The following ELOVL6 variants were observed in gnomAD, a reference collection of about 807,000 sequenced individuals.
The protein encoded by ELOVL6 is very long chain fatty acid elongase 6.
Under a neutral mutation model 31.7 loss-of-function variants are expected in ELOVL6, and 8 were observed. The ratio of observed to expected loss-of-function variants is 0.25; its 90% CI spans 0.15 to 0.45. The LOEUF is 0.45. ELOVL6 is among the 20% of genes least tolerant of loss of function. The pLI is 1.00. For synonymous variants in ELOVL6, 101 were observed against 117.7 expected (o/e 0.86, Z 0.92); for missense variants, 126 against 326.4 (o/e 0.39, Z 4.73).
rs1054926838 is a variant in ELOVL6 at position 110,064,657 on chromosome 4, A to AT, written c.222-4904dup. ...ATTTTTAATCAAGCACATATTAGAAATTTTTTTTTTAATGAAAATGGGGTC... is the reference window on the plus strand; with the variant it reads ...ATTTTTAATCAAGCACATATTAGAAATTTTTTTTTTTAATGAAAATGGGGTC... On this transcript the variant is annotated intron_variant, in intron 2 of 3. Transcript: ENST00000302274. 3.5e-3 allele frequency among the ~76,000 whole-genome samples: 531 copies of AT among 149,662 alleles called. 2 individuals are homozygous for AT. The highest frequency in any genetic ancestry group is 9.6e-3 in the African/African-American group (394 of 40,862).
chr4:110,112,459 G>T (rs1476158637), intron 1 of ELOVL6, among the ~76,000 whole-genome samples: 1 of 152,210 alleles, frequency 6.6e-6, no homozygotes, highest in Non-Finnish European at 1.5e-5. Flanking sequence ...AGAGGTACAA[G>T]AATACTTTTT....
At chr4:110,114,759 A>G (rs1414598665) in intron 1 of ELOVL6, among the ~76,000 whole-genome samples, 2 of 152,226 alleles carry the variant, frequency 1.3e-5, no homozygotes, top group African/African-American at 2.4e-5. Context: ...CTAGAAGTGA[A>G]AAAACACTGT....
chr4:110,158,031 A>G (rs1480000768), intron 1 of ELOVL6, among the ~76,000 whole-genome samples: 2 of 152,348 alleles, frequency 1.3e-5, no homozygotes, highest in East Asian at 1.9e-4. Context: ...ACCAAAGTTC[A>G]TGGATATAGT....
chr4:110,119,604 C>G (rs1482768891), intron 1 of ELOVL6, among the ~76,000 whole-genome samples: 1 of 152,176 alleles, frequency 6.6e-6, no homozygotes, highest in African/African-American at 2.4e-5. Context: ...AGTCCTTTAT[C>G]TCTATATAGC....
intron 2 of ELOVL6, among the ~76,000 whole-genome samples, chr4:110,071,128 C>T (rs1441652545): frequency 6.6e-6 from 1 of 152,184 alleles, no homozygotes; most frequent in Non-Finnish European, 1.5e-5. Flanking sequence ...CAGCTCTAAA[C>T]TGTGAACTGC....
chr4:110,046,370 A>T lies in ELOVL6; in HGVS notation c.*4968T>A, dbSNP rs1186883031. On this transcript the variant is annotated 3_prime_UTR_variant, in exon 4 of 4. Transcript: ENST00000302274. ...TTGGTTTGGACGTCTAGTGAAATAT[A>T]TTTTACTGTGAGACTTCTGCCTGCC... 1 of 152,184 alleles carries T rather than the reference A, an allele frequency of 6.6e-6. No individual in the cohort carries two copies. The highest frequency in any genetic ancestry group is 1.5e-5 in the Non-Finnish European group (1 of 68,064). The allele number at this position is 152,184 out of a possible 1,614,324, so 9.4% of individuals were successfully genotyped here. A position where few individuals can be genotyped will look rare whatever the true frequency, so the allele number is the denominator to read the frequency against.
intron 1 of ELOVL6, among the ~76,000 whole-genome samples, chr4:110,130,160 T>G (rs1393670228): frequency 6.6e-6 from 1 of 151,994 alleles, no homozygotes; most frequent in Non-Finnish European, 1.5e-5. Flanking sequence ...CCTCCCAAAG[T>G]GCTGAGATTA....
At chr4:110,184,936 C>G (rs1489938219) in intron 1 of ELOVL6, among the ~76,000 whole-genome samples, 1 of 152,200 alleles carries the variant, frequency 6.6e-6, no homozygotes, top group Admixed American at 6.5e-5. Flanking sequence ...CACAGTAACA[C>G]TTGTCTGGAC....
chr4:110,187,247 A>AGGTCCTC (rs923351964), intron 1 of ELOVL6, among the ~76,000 whole-genome samples: 2 of 151,858 alleles, frequency 1.3e-5, no homozygotes, highest in Non-Finnish European at 2.9e-5. Context: ...CACAATTAAG[A>AGGTCCTC]GGTCCTTTGA....
At chr4:110,072,999 G>A (rs1008787113) in intron 2 of ELOVL6, among the ~76,000 whole-genome samples, 3 of 152,108 alleles carry the variant, frequency 2.0e-5, no homozygotes, top group African/African-American at 7.2e-5. Context: ...GTATACAACT[G>A]ATTTAAGAAG....
chr4:110,179,057 T>C (rs1022599973), intron 1 of ELOVL6, among the ~76,000 whole-genome samples: 3 of 152,168 alleles, frequency 2.0e-5, no homozygotes, highest in Middle Eastern at 3.2e-3. Flanking sequence ...TGTATTTTTT[T>C]ATTTATCAAG....
Position 110,051,485 on chromosome 4 carries a change from G to A in ELOVL6, c.651C>T (p.Phe217=). The A allele has an allele frequency of 6.2e-7, 1 of 1,614,240 alleles. No individual in the cohort carries two copies. Among genetic ancestry groups the A allele is most frequent in the Non-Finnish European group, 8.5e-7 (1 of 1,180,034 alleles). The change falls in exon 4 of 4, where the codon TTC becomes TTT. Residue 217 remains phenylalanine (F), a synonymous_variant. Coordinates refer to ENST00000302274, the MANE Select transcript of ELOVL6 (RefSeq NM_024090.3). The surrounding 1 kb of genome is among the most constrained non-coding windows in gnomAD (Gnocchi z 4.8). ...GACACTGGTCATGCTGCATCCAGCA[G>A]AAGACCAGGTAGTTAACCACACAGC... ...LMGCVVNYLV[F]CWMQHDQCHS... is the part of the protein sequence containing the mutation.
intron 1 of ELOVL6, among the ~76,000 whole-genome samples, chr4:110,144,191 G>A (rs1758043848): frequency 6.6e-6 from 1 of 152,036 alleles, no homozygotes; most frequent in Admixed American, 6.6e-5. Flanking sequence ...AGATACTAGT[G>A]TTATTCAGTC....
chr4:110,180,699 A>AAT (rs1759246641), intron 1 of ELOVL6, among the ~76,000 whole-genome samples: 1 of 152,236 alleles, frequency 6.6e-6, no homozygotes, highest in South Asian at 2.1e-4. Flanking sequence ...GGCATGAGCC[A>AAT]CCACACCTGG....
intron 2 of ELOVL6, among the ~76,000 whole-genome samples, chr4:110,088,198 C>G (rs1045510246): frequency 6.6e-6 from 1 of 152,112 alleles, no homozygotes; most frequent in Non-Finnish European, 1.5e-5. Flanking sequence ...TCACCAAAGC[C>G]AAGCACAGAG....
intron 1 of ELOVL6, among the ~76,000 whole-genome samples, chr4:110,184,474 T>G (rs999475423): frequency 6.6e-6 from 1 of 152,110 alleles, no homozygotes; most frequent in Non-Finnish European, 1.5e-5. Flanking sequence ...AAGGGCTGCT[T>G]CTAGAGGTAA....
chr4:110,080,772 T>C lies in ELOVL6; in HGVS notation c.222-21018A>G, dbSNP rs547614939. On this transcript the variant is annotated intron_variant, in intron 2 of 3. Transcript: ENST00000302274. ...TCAGGCAGGAGAAGGAAATAAAGGG[T>C]ATTCAATTAGGAAAAGAGGAAGTCA... is the stretch of plus-strand genomic sequence containing the variant. Among the ~76,000 whole-genome samples, 68 of 152,148 alleles carry C rather than the reference T, an allele frequency of 4.5e-4. 1 individual carries two copies. In the South Asian group the frequency reaches 1.0e-2, roughly 22 times the overall value.
At chr4:110,128,737 C>G (rs17041377) in intron 1 of ELOVL6, among the ~76,000 whole-genome samples, 1 of 152,160 alleles carries the variant, frequency 6.6e-6, no homozygotes, top group African/African-American at 2.4e-5. Context: ...TCATTTGTTT[C>G]GGTGCTTATC....
At chr4:110,182,426 T>C (rs1004012540) in intron 1 of ELOVL6, among the ~76,000 whole-genome samples, 1 of 152,208 alleles carries the variant, frequency 6.6e-6, no homozygotes, top group Non-Finnish European at 1.5e-5. Context: ...AATGTTTATT[T>C]TTAAATGAAT....
Sources: gnomAD v4.1 joint callset for allele counts (sites outside exome capture counted in the v4.1 genomes callset) on GRCh38, gnomAD v4.1.1 for gene constraint, Gnocchi (gnomAD v3.1) non-coding constraint, MANE v1.5 for transcripts, NCBI Gene and HGNC (gene_info 2026-07-23, HGNC 2026-07-21) for gene names.